The following STX5 variants were observed in gnomAD, a reference collection of about 807,000 sequenced individuals.
STX5 encodes syntaxin 5, also known as syntaxin-5.
A neutral mutation model predicts 42.9 loss-of-function variants in STX5; 15 were observed. The ratio of observed to expected loss-of-function variants is 0.35; its 90% CI spans 0.23 to 0.54. The LOEUF (loss-of-function observed/expected upper bound fraction) is 0.54. Among genes scored for constraint, STX5 ranks in the 20% least tolerant of loss-of-function variants. STX5 has a pLI of 0.91. For synonymous variants in STX5, 184 were observed against 173.2 expected (o/e 1.06, Z -0.49); for missense variants, 430 against 455.0 (o/e 0.95, Z 0.50).
At position 62,831,238 on chromosome 11, in the gene STX5, G is replaced by A; in HGVS notation, c.6C>T (p.Ile2=). 6.4e-7 allele frequency: 1 copy of A among 1,559,626 alleles called. No individual in the cohort carries two copies. The highest frequency in any genetic ancestry group is 8.7e-7 in the Non-Finnish European group (1 of 1,150,732). Residue 2 remains isoleucine, a synonymous_variant, in exon 2 of 11, where the codon ATC becomes ATT. Coordinates refer to ENST00000294179, the MANE Select transcript of STX5 (RefSeq NM_003164.5). ...TCTTAGACCCGTAGCGTTTCCGCGG[G>A]ATCATTGAGACGCATAACCTCGGAC... M[I]PRKRYGSKNT... is the part of the protein sequence containing the mutation.
chr11:62,827,526 T>A (rs1484213432), intron 3 of STX5, 35 bp downstream of exon 3: 1 of 1,613,916 alleles, frequency 6.2e-7, no homozygotes, highest in South Asian at 1.1e-5. Flanking sequence ...CTTCAGACAC[T>A]GTATCACCCC....
chr11:62,826,249 G>A (rs796210932), intron 5 of STX5, among the ~76,000 whole-genome samples: 18 of 147,998 alleles, frequency 1.2e-4, no homozygotes, highest in African/African-American at 4.0e-4. Flanking sequence ...GTGAGACTCC[G>A]TCTTAAAAAA....
At chr11:62,830,387 C>A (rs1042038704) in intron 2 of STX5, 2 of 370,542 alleles carry the variant, frequency 5.4e-6, no homozygotes, top group Non-Finnish European at 5.4e-6. Flanking sequence ...ACTGCCTGTA[C>A]GAAAAAATTT....
chr11:62,817,995 G>C (rs1404728275), intron 10 of STX5, among the ~76,000 whole-genome samples: 1 of 151,996 alleles, frequency 6.6e-6, no homozygotes, highest in East Asian at 1.9e-4. Context: ...TCAGAGGCTG[G>C]GTGTGGTGGC....
rs1471508722 is a variant in STX5 at position 62,825,486 on chromosome 11, G to C, written c.477C>G (p.Ala159=). ...GGTGCCGGCCACTCTGGCTGCCCTT[G>C]GCTCTCACGAAATCCTGGAGCTGAG... ...QIAQLQDFVR[A]KGSQSGRHLQ... The change falls in exon 6 of 11, where the codon GCC becomes GCG. Residue 159 remains alanine, a synonymous_variant. Coordinates refer to ENST00000294179, the MANE Select transcript of STX5 (RefSeq NM_003164.5). The C allele has an allele frequency of 3.1e-6, 5 of 1,613,902 alleles. No homozygotes were observed. In the African/African-American group the frequency reaches 6.7e-5, roughly 22 times the overall value.
chr11:62,824,650 T>C (rs1201816002), intron 8 of STX5, 85 bp from the exon 9 acceptor site: 1 of 1,244,646 alleles, frequency 8.0e-7, no homozygotes, highest in African/African-American at 1.5e-5. Context: ...ATCCCAGCTC[T>C]AGCACTTACT....
intron 10 of STX5, among the ~76,000 whole-genome samples, chr11:62,818,030 G>A (rs1205383958): frequency 6.6e-6 from 1 of 152,070 alleles, no homozygotes; most frequent in East Asian, 1.9e-4. Context: ...GATCACCTGA[G>A]GTCAGTAGTT....
intron 2 of STX5, among the ~76,000 whole-genome samples, chr11:62,829,789 G>C (rs969110899): frequency 6.6e-6 from 1 of 151,876 alleles, no homozygotes; most frequent in African/African-American, 2.4e-5. Flanking sequence ...GAGAGGCCAG[G>C]TGTGGTGACT....
chr11:62,829,939 C>T (rs1199938558), intron 2 of STX5, among the ~76,000 whole-genome samples: 2 of 151,644 alleles, frequency 1.3e-5, no homozygotes, highest in Non-Finnish European at 2.9e-5. Flanking sequence ...GTGACGGGCA[C>T]CTGTAATCCC....
rs2084772777 is a variant in STX5, at chr11:62,824,490, G to A, written c.755C>T (p.Thr252Ile). Residue 252 changes from threonine to isoleucine, a missense_variant, in exon 9 of 11, where the codon ACC becomes ATC. Transcript: ENST00000294179. Reference protein sequence around the residue: ...DVAIDMMDSRTSQQLQLIDEQ... With the variant: ...DVAIDMMDSRISQQLQLIDEQ... The stretch of plus-strand genomic sequence containing the variant: ...GTCAATGAGCTGCAGCTGCTGGCTG[G>A]TCCGAGAGTCCATCATGTCGATGGC... 1.9e-6 allele frequency: 3 copies of A among 1,614,178 alleles called. No individual in the cohort carries two copies. Among genetic ancestry groups the A allele is most frequent in the Non-Finnish European group, 2.5e-6 (3 of 1,180,034 alleles).
At chr11:62,821,595 G>A (rs2084740837) in intron 10 of STX5, among the ~76,000 whole-genome samples, 2 of 151,812 alleles carry the variant, frequency 1.3e-5, no homozygotes, top group Non-Finnish European at 2.9e-5. Context: ...AGTGGTGTGG[G>A]TGCATGTAAT....
At chr11:62,817,949 C>T (rs986518229) in intron 10 of STX5, among the ~76,000 whole-genome samples, 1 of 151,978 alleles carries the variant, frequency 6.6e-6, no homozygotes, top group African/African-American at 2.4e-5. Context: ...CCAAATACTT[C>T]CTAAATTTAA....
intron 10 of STX5, 199 bp downstream of exon 10, chr11:62,823,967 G>C (rs1016608443): frequency 5.5e-6 from 4 of 732,544 alleles, no homozygotes; most frequent in Non-Finnish European, 6.6e-6. Flanking sequence ...TGTATCTCCC[G>C]CACCTGGAAC....
rs1396454461 is a variant in STX5, at chr11:62,832,021, C to G, written c.-87G>C. On this transcript the variant is annotated 5_prime_UTR_variant, in exon 1 of 11. Coordinates refer to ENST00000294179, the MANE Select transcript of STX5 (RefSeq NM_003164.5). ...CGGCCGTCACTGCCTCCTCCCCGAG[C>G]ACTGAAGCCGCCGAAACCCGACCAA... The G allele has an allele frequency of 6.3e-6, 3 of 476,996 alleles. No individual in the cohort carries two copies. The highest frequency in any genetic ancestry group is 1.2e-5 in the Non-Finnish European group (3 of 241,436). 29.5% of individuals were successfully genotyped at this position (476,996 alleles called of 1,614,324 possible). A position where few individuals can be genotyped will look rare whatever the true frequency, so the allele number is the denominator to read the frequency against.
intron 7 of STX5, 44 bp downstream of exon 7, chr11:62,825,239 C>T (rs776224258): frequency 1.2e-6 from 2 of 1,613,356 alleles, no homozygotes; most frequent in East Asian, 4.5e-5. Context: ...CCTCTTGGAT[C>T]TTTACTCCCA....
intron 10 of STX5, among the ~76,000 whole-genome samples, chr11:62,818,041 C>T (rs1055896039): frequency 2.6e-5 from 4 of 151,952 alleles, no homozygotes; most frequent in Middle Eastern, 3.4e-3. Flanking sequence ...GTCAGTAGTT[C>T]GAGACCAGAC....
At chr11:62,809,567 A>G (rs1380594931) in intron 10 of STX5, among the ~76,000 whole-genome samples, 1 of 141,406 alleles carries the variant, frequency 7.1e-6, no homozygotes, top group East Asian at 2.3e-4. Context: ...CCAGCTACTC[A>G]GGAGGCTGAG....
rs535745564 is a variant in STX5 at position 62,806,964 on chromosome 11, A to G, written c.*505T>C. On this transcript the variant is annotated 3_prime_UTR_variant, in exon 11 of 11. Coordinates refer to ENST00000294179, the MANE Select transcript of STX5 (RefSeq NM_003164.5). Reference sequence around the variant, plus strand: ...AGCACATTTGGCAGATTGAGTCACCAGCAGCCAATGTCAGGGGTTGTGCAG... The same window carrying G: ...AGCACATTTGGCAGATTGAGTCACCGGCAGCCAATGTCAGGGGTTGTGCAG... 2.6e-4 allele frequency: 40 copies of G among 153,596 alleles called. No homozygotes were observed. Among genetic ancestry groups the G allele is most frequent in the Non-Finnish European group, 1.5e-5 (1 of 68,544 alleles). 9.5% of individuals were successfully genotyped at this position (153,596 alleles called of 1,614,324 possible). A position where few individuals can be genotyped will look rare whatever the true frequency, so the allele number is the denominator to read the frequency against.
intron 10 of STX5, among the ~76,000 whole-genome samples, chr11:62,820,349 C>G (rs2084727140): frequency 6.7e-6 from 1 of 148,300 alleles, no homozygotes; most frequent in African/African-American, 2.5e-5. Context: ...AGCCTGGTAA[C>G]ACGACGAGAC....
Sources: allele counts gnomAD v4.1 joint callset (sites outside exome capture counted in the v4.1 genomes callset), GRCh38; gene constraint gnomAD v4.1.1; transcripts MANE v1.5; gene names NCBI Gene and HGNC (gene_info 2026-07-23, HGNC 2026-07-21).